The following AKAP6 variants were observed in gnomAD, a reference collection of about 807,000 sequenced individuals.
The protein encoded by AKAP6 is A-kinase anchor protein 6.
Under a neutral mutation model 188.5 loss-of-function variants are expected in AKAP6, and 58 were observed. The ratio of observed to expected loss-of-function variants is 0.31; its 90% confidence interval spans 0.25 to 0.38. The LOEUF is 0.38. Ranked by LOEUF, AKAP6 falls within the 10% of genes least tolerant of loss-of-function variation. The probability of loss-of-function intolerance (pLI) is 1.00; values close to 1 mark genes in which losing one functional copy is unlikely to be tolerated. For missense variants in AKAP6, 2,710 were observed against 2,740.0 expected (o/e 0.99, Z 0.24); for synonymous variants, 989 against 998.6 (o/e 0.99, Z 0.18).
chr14:32,632,090 T>C (rs904751931), intron 7 of AKAP6, among the ~76,000 whole-genome samples: 3 of 152,076 alleles, frequency 2.0e-5, no homozygotes, highest in African/African-American at 7.2e-5. Context: ...TTGTTTTTTG[T>C]TTTTAATGAG....
At chr14:32,595,471 T>G (rs1885655500) in intron 5 of AKAP6, among the ~76,000 whole-genome samples, 1 of 152,130 alleles carries the variant, frequency 6.6e-6, no homozygotes, top group Non-Finnish European at 1.5e-5. Context: ...ACAAACCCTA[T>G]CCAGCTATTA....
At chr14:32,605,750 G>T (rs918071276) in intron 7 of AKAP6, among the ~76,000 whole-genome samples, 2 of 152,118 alleles carry the variant, frequency 1.3e-5, no homozygotes, top group African/African-American at 4.8e-5. Flanking sequence ...GCCATGAAAT[G>T]CATCTCCAAG....
intron 1 of AKAP6, among the ~76,000 whole-genome samples, chr14:32,408,605 G>A (rs1255767760): frequency 6.6e-6 from 1 of 151,578 alleles, no homozygotes; most frequent in Admixed American, 6.6e-5. Flanking sequence ...GGTATCAGCT[G>A]TGGAGTTTTT....
intron 7 of AKAP6, among the ~76,000 whole-genome samples, chr14:32,609,542 A>G (rs1886263560): frequency 6.6e-6 from 1 of 152,000 alleles, no homozygotes; most frequent in Admixed American, 6.6e-5. Context: ...GTGGCTTCTC[A>G]TTTTTATACT....
At chr14:32,586,154 C>G (rs193028735) in intron 5 of AKAP6, among the ~76,000 whole-genome samples, 1 of 152,192 alleles carries the variant, frequency 6.6e-6, no homozygotes, top group Admixed American at 6.5e-5. Context: ...GAAGGATATG[C>G]TGGTACAGGC....
At chr14:32,655,787 T>G (rs1036142838) in intron 7 of AKAP6, among the ~76,000 whole-genome samples, 2 of 152,124 alleles carry the variant, frequency 1.3e-5, no homozygotes, top group African/African-American at 2.4e-5. Context: ...TAATGAGAGA[T>G]AAAATTTTAA....
At chr14:32,351,757 G>A (rs900285253) in intron 1 of AKAP6, among the ~76,000 whole-genome samples, 2 of 151,812 alleles carry the variant, frequency 1.3e-5, no homozygotes, top group Non-Finnish European at 2.9e-5. Flanking sequence ...ATATATATGT[G>A]TGTGTATGTA....
chr14:32,359,391 T>C (rs1270855024), intron 1 of AKAP6, among the ~76,000 whole-genome samples: 1 of 152,098 alleles, frequency 6.6e-6, no homozygotes, highest in Non-Finnish European at 1.5e-5. Context: ...CTTTAAAAAA[T>C]GTTTTATTTT....
chr14:32,721,563 G>A (rs985905135), intron 9 of AKAP6, among the ~76,000 whole-genome samples: 7 of 152,146 alleles, frequency 4.6e-5, no homozygotes, highest in Non-Finnish European at 1.0e-4. Flanking sequence ...AAGTAGGATG[G>A]ATTGAAGACA....
At chr14:32,364,999 A>G (rs1366741928) in intron 1 of AKAP6, among the ~76,000 whole-genome samples, 1 of 152,166 alleles carries the variant, frequency 6.6e-6, no homozygotes, top group African/African-American at 2.4e-5. Flanking sequence ...CCCTTACTTT[A>G]CATAAGAGGA....
At chr14:32,652,558 A>G (rs1213105988) in intron 7 of AKAP6, among the ~76,000 whole-genome samples, 1 of 152,214 alleles carries the variant, frequency 6.6e-6, no homozygotes, top group Non-Finnish European at 1.5e-5. Flanking sequence ...CATTATAATC[A>G]TATCAGATTA....
At position 32,332,248 on chromosome 14, in the gene AKAP6, C is replaced by T. The variant is rs1014319497; in HGVS notation, c.-35+2840C>T. Among the ~76,000 whole-genome samples, 51 of 152,086 alleles carry T rather than the reference C, an allele frequency of 3.4e-4. 1 individual carries two copies. The highest frequency in any genetic ancestry group is 2.6e-4 in the Admixed American group (4 of 15,256). The stretch of plus-strand genomic sequence containing the variant: ...CACACATGCTTACCCACGGCCATCT[C>T]AGTTTTATGACATCTTTACTGTATA... On this transcript the variant is annotated intron_variant, in intron 1 of 13. Coordinates refer to ENST00000280979, the MANE Select transcript of AKAP6 (RefSeq NM_004274.5).
At position 32,790,770 on chromosome 14, in the gene AKAP6, C is replaced by T. The variant is rs966087068; in HGVS notation, c.3588+16877C>T. Among the ~76,000 whole-genome samples, 3 of 152,060 alleles carry T rather than the reference C, an allele frequency of 2.0e-5. No individual in the cohort carries two copies. The East Asian group carries it at 5.8e-4, about 30-fold the overall frequency. On this transcript the variant is annotated intron_variant, in intron 12 of 13. Transcript: ENST00000280979. ...TGTCCTAATGCTCTCTATCCCCTTG[C>T]CCCCCACTCCCTGGCAGACCCCGAT...
chr14:32,697,366 G>A (rs1890447512), intron 9 of AKAP6, among the ~76,000 whole-genome samples: 1 of 152,120 alleles, frequency 6.6e-6, no homozygotes, highest in South Asian at 2.1e-4. Flanking sequence ...GCTGTTTCCT[G>A]TATGGGTAGC....
chr14:32,761,958 T>G (rs1299959733), intron 11 of AKAP6, among the ~76,000 whole-genome samples: 1 of 151,982 alleles, frequency 6.6e-6, no homozygotes, highest in East Asian at 1.9e-4. Flanking sequence ...TCCCACAGAA[T>G]CAATAAAAGA....
intron 12 of AKAP6, among the ~76,000 whole-genome samples, chr14:32,792,893 A>G (rs1247884383): frequency 1.3e-5 from 2 of 152,150 alleles, no homozygotes; most frequent in Non-Finnish European, 2.9e-5. Context: ...TAATAAAAGA[A>G]TTTTCAACCC....
chr14:32,786,941 A>G (rs1311465104), intron 12 of AKAP6, among the ~76,000 whole-genome samples: 2 of 152,204 alleles, frequency 1.3e-5, no homozygotes, highest in African/African-American at 4.8e-5. Flanking sequence ...CATTGAAAAC[A>G]GAACATCGTG....
chr14:32,427,024 C>T (rs1325051976), intron 1 of AKAP6, among the ~76,000 whole-genome samples: 1 of 152,010 alleles, frequency 6.6e-6, no homozygotes, highest in African/African-American at 2.4e-5. Context: ...CCGAGGGGCA[C>T]AGCTGTACAA....
At chr14:32,453,865 G>T (rs1250072375) in intron 2 of AKAP6, among the ~76,000 whole-genome samples, 1 of 151,988 alleles carries the variant, frequency 6.6e-6, no homozygotes, top group Non-Finnish European at 1.5e-5. Flanking sequence ...GATTACAGGC[G>T]TGAGCCACTG....
Sources: gnomAD v4.1 joint callset for allele counts (sites outside exome capture counted in the v4.1 genomes callset) on GRCh38, gnomAD v4.1.1 for gene constraint, MANE v1.5 for transcripts, NCBI Gene and HGNC (gene_info 2026-07-23, HGNC 2026-07-21) for gene names.